The following SCHIP1 variants were observed in gnomAD, a reference collection of about 807,000 sequenced individuals.
SCHIP1 encodes schwannomin-interacting protein 1.
In SCHIP1, 8 loss-of-function variants were observed where a neutral mutation model predicts 29.7. That is an observed-to-expected ratio of 0.27 (90% CI 0.16 to 0.49). The LOEUF (loss-of-function observed/expected upper bound fraction) is 0.49, where lower values mean the gene tolerates loss of function less well. Among genes scored for constraint, SCHIP1 ranks in the 20% least tolerant of loss-of-function variants. The pLI, the probability that SCHIP1 is intolerant of heterozygous loss-of-function variation, is 0.99. For missense variants in SCHIP1, 193 were observed against 294.6 expected, an observed-to-expected ratio of 0.66 and a Z score of 2.52; for synonymous variants, 76 against 94.9, an observed-to-expected ratio of 0.80 and a Z score of 1.16.
chr3:159,544,551 T>C, the SCHIP1 span, among the ~76,000 whole-genome samples: 1 of 152,088 alleles, frequency 6.6e-6, no homozygotes, highest in African/African-American at 2.4e-5. Flanking sequence ...GTTTGACCAT[T>C]CTGGTAGGTC....
At chr3:159,506,198 A>G in the SCHIP1 span, among the ~76,000 whole-genome samples, 4 of 152,164 alleles carry the variant, frequency 2.6e-5, no homozygotes, top group African/African-American at 9.6e-5. Flanking sequence ...TGTGGTTTTG[A>G]TTTGCATTTC....
the SCHIP1 span, among the ~76,000 whole-genome samples, chr3:159,310,888 G>A: frequency 6.6e-6 from 1 of 152,218 alleles, no homozygotes; most frequent in East Asian, 1.9e-4. Context: ...AAATTGATAA[G>A]ATTTGCATGC....
chr3:159,486,963 A>T, the SCHIP1 span, among the ~76,000 whole-genome samples: 1 of 152,208 alleles, frequency 6.6e-6, no homozygotes, highest in African/African-American at 2.4e-5. Context: ...GCACAAGAGA[A>T]GGGGAGAGTA....
the SCHIP1 span, among the ~76,000 whole-genome samples, chr3:159,413,406 C>T: frequency 1.3e-5 from 2 of 152,078 alleles, no homozygotes; most frequent in East Asian, 3.9e-4. Flanking sequence ...ACTTTTAAAA[C>T]CTTTGTACTC....
At chr3:159,892,341 G>A in intron 6 of SCHIP1, 151 bp downstream of exon 7, 1 of 832,068 alleles carries the variant, frequency 1.2e-6, no homozygotes, top group South Asian at 1.7e-5. Flanking sequence ...CAGATGGAGG[G>A]GAAGCAGAAT....
the SCHIP1 span, among the ~76,000 whole-genome samples, chr3:159,341,087 C>G: frequency 6.6e-6 from 1 of 152,254 alleles, no homozygotes; most frequent in South Asian, 2.1e-4. Flanking sequence ...TGGGTGATAT[C>G]TGCCTGCTTA....
At chr3:159,519,872 T>TAC in the SCHIP1 span, among the ~76,000 whole-genome samples, 8 of 135,018 alleles carry the variant, frequency 5.9e-5, no homozygotes, top group Admixed American at 5.7e-4. Context: ...AAAAAAAAAA[T>TAC]ATATATATAT....
At chr3:159,767,455 C>T in the SCHIP1 span, among the ~76,000 whole-genome samples, 1 of 152,154 alleles carries the variant, frequency 6.6e-6, no homozygotes, top group Admixed American at 6.5e-5. Context: ...ACCATGAGGA[C>T]AGAAACCGGA....
chr3:159,692,651 C>T, the SCHIP1 span, among the ~76,000 whole-genome samples: 190 of 152,284 alleles, frequency 1.2e-3, no homozygotes, highest in African/African-American at 4.5e-3. Flanking sequence ...TTCTTAGCTT[C>T]CTTGCATTGG....
chr3:159,546,019 T>C, the SCHIP1 span, among the ~76,000 whole-genome samples: 281 of 152,204 alleles, frequency 1.8e-3, 1 homozygote, highest in Non-Finnish European at 2.2e-4. Flanking sequence ...ATTGTTTGTA[T>C]GCTATTGTGA....
the SCHIP1 span, among the ~76,000 whole-genome samples, chr3:159,558,916 T>G: frequency 6.6e-6 from 1 of 152,122 alleles, no homozygotes; most frequent in African/African-American, 2.4e-5. Flanking sequence ...ACCCACACAC[T>G]TTTTATAAAT....
At chr3:159,806,772 C>G in the SCHIP1 span, among the ~76,000 whole-genome samples, 9 of 152,232 alleles carry the variant, frequency 5.9e-5, no homozygotes, top group African/African-American at 2.2e-4. Flanking sequence ...CCTGTAAGAC[C>G]TGCTCTGGAG....
At chr3:159,854,910 G>C (rs755848726) in intron 1 of SCHIP1, among the ~76,000 whole-genome samples, 1 of 152,244 alleles carries the variant, frequency 6.6e-6, no homozygotes, top group Non-Finnish European at 1.5e-5. Context: ...TAAGTAAGCA[G>C]TGATACACCA....
the SCHIP1 span, among the ~76,000 whole-genome samples, chr3:159,605,607 T>A: frequency 6.6e-6 from 1 of 152,072 alleles, no homozygotes. Flanking sequence ...AATTTTGACA[T>A]GTCAGTATAT....
the SCHIP1 span, among the ~76,000 whole-genome samples, chr3:159,361,860 G>C: frequency 1.3e-5 from 2 of 152,178 alleles, no homozygotes; most frequent in Admixed American, 6.5e-5. Context: ...TGGAAGTTTG[G>C]AAATCCCATC....
At chr3:159,318,987 A>G in the SCHIP1 span, among the ~76,000 whole-genome samples, 1 of 152,168 alleles carries the variant, frequency 6.6e-6, no homozygotes, top group East Asian at 1.9e-4. Flanking sequence ...AAAATCCTAG[A>G]GGCCTCTGCT....
At chr3:159,298,195 A>G in the SCHIP1 span, among the ~76,000 whole-genome samples, 3 of 152,230 alleles carry the variant, frequency 2.0e-5, no homozygotes, top group Middle Eastern at 3.2e-3. Flanking sequence ...TGCTATTGGC[A>G]GTTCCTCAAT....
chr3:159,557,040 C>G, the SCHIP1 span, among the ~76,000 whole-genome samples: 1 of 151,648 alleles, frequency 6.6e-6, no homozygotes, highest in African/African-American at 2.4e-5. Flanking sequence ...TCACCACAAG[C>G]TCCGCCTCCC....
the SCHIP1 span, chr3:159,764,744 C>T: frequency 1.9e-6 from 3 of 1,572,622 alleles, no homozygotes; most frequent in South Asian, 2.3e-5. This position sits in a 1 kb window ranked among gnomAD's most constrained non-coding sequence, Gnocchi z 6.1. Context: ...GCCCGGGAAC[C>T]GGGGGACGTA....
Sources: allele counts gnomAD v4.1 joint callset (sites outside exome capture counted in the v4.1 genomes callset), GRCh38; gene constraint gnomAD v4.1.1; non-coding constraint Gnocchi (gnomAD v3.1); transcripts MANE v1.5; gene names NCBI Gene and HGNC (gene_info 2026-07-23, HGNC 2026-07-21).